The following TRAK1 variants were observed in gnomAD, a reference collection of about 807,000 sequenced individuals.
TRAK1 encodes the protein trafficking kinesin protein 1.
TRAK1 carries 33 observed loss-of-function variants against 92.1 expected under a neutral mutation model. The observed-to-expected ratio is 0.36, with a 90% CI of 0.27 to 0.48. The LOEUF (loss-of-function observed/expected upper bound fraction) is 0.48, where lower values mean the gene tolerates loss of function less well. TRAK1 is among the 20% of genes least tolerant of loss of function. TRAK1 has a pLI of 0.99. For synonymous variants in TRAK1, 521 were observed against 517.3 expected, an observed-to-expected ratio of 1.01 and a Z score of -0.10; for missense variants, 1,123 against 1,257.9, an observed-to-expected ratio of 0.89 and a Z score of 1.62.
At chr3:42,045,355 C>T (rs1366822265) in intron 1 of TRAK1, among the ~76,000 whole-genome samples, 4 of 152,002 alleles carry the variant, frequency 2.6e-5, no homozygotes, top group African/African-American at 4.8e-5. Flanking sequence ...GCCAACATGA[C>T]GAAACCCCAT....
intron 12 of TRAK1, 121 bp downstream of exon 12, chr3:42,201,175 C>A: frequency 8.9e-7 from 1 of 1,118,182 alleles, no homozygotes; most frequent in Non-Finnish European, 1.3e-6. Context: ...AAATACAGAC[C>A]TGGCCGGGCG....
At chr3:42,128,499 C>T (rs1311331447) in intron 2 of TRAK1, among the ~76,000 whole-genome samples, 2 of 152,202 alleles carry the variant, frequency 1.3e-5, no homozygotes, top group Non-Finnish European at 2.9e-5. Flanking sequence ...AAATACAGGA[C>T]CCTGTAGAGC....
intron 1 of TRAK1, among the ~76,000 whole-genome samples, chr3:42,059,656 CAGAA>C (rs1211839599): frequency 1.3e-5 from 2 of 152,154 alleles, no homozygotes; most frequent in Non-Finnish European, 2.9e-5. Flanking sequence ...TCATCCAACT[CAGAA>C]AGCTTTTTAT....
chr3:42,092,799 T>G (rs563678203), intron 1 of TRAK1, among the ~76,000 whole-genome samples: 2 of 149,644 alleles, frequency 1.3e-5, no homozygotes, highest in Non-Finnish European at 3.0e-5. Context: ...TTGCCCAGGC[T>G]GGTTTTGAAT....
chr3:42,206,726 G>A lies in TRAK1; in HGVS notation c.1745-3041G>A, dbSNP rs185301827. On this transcript the variant is annotated intron_variant, in intron 13 of 15. Coordinates refer to ENST00000327628, the MANE Select transcript of TRAK1 (RefSeq NM_001042646.3). ...TGGGATAAAAATCTGAGCATGATGCGTCTTTTCACATAATGTTTTAGTTGT... is the reference window on the plus strand; with the variant it reads ...TGGGATAAAAATCTGAGCATGATGCATCTTTTCACATAATGTTTTAGTTGT... Among the ~76,000 whole-genome samples, 15 of 152,318 alleles carry A rather than the reference G, an allele frequency of 9.8e-5. No individual in the cohort carries two copies. In the East Asian group the frequency reaches 2.3e-3, roughly 23 times the overall value.
intron 2 of TRAK1, among the ~76,000 whole-genome samples, chr3:42,152,623 T>TG (rs1236723642): frequency 6.6e-6 from 1 of 152,192 alleles, no homozygotes. Flanking sequence ...TTGATGTCCA[T>TG]GGAAAGCAGC....
Position 42,147,931 on chromosome 3 carries a change from A to G in TRAK1, c.286+22317A>G, listed in dbSNP as rs111332247. On this transcript the variant is annotated intron_variant, in intron 2 of 15. Coordinates refer to ENST00000327628, the MANE Select transcript of TRAK1 (RefSeq NM_001042646.3). ...TGGATCGATACAAAGTATGGATTCC[A>G]TCTAAGATTCTCTATATAAGATGTG... is the stretch of plus-strand genomic sequence containing the variant. Among the ~76,000 whole-genome samples the G allele has an allele frequency of 1.4e-3, 220 of 152,292 alleles. 1 individual carries two copies. The highest frequency in any genetic ancestry group is 5.0e-3 in the African/African-American group (206 of 41,552).
chr3:42,057,365 T>C (rs1192248408), intron 1 of TRAK1, among the ~76,000 whole-genome samples: 1 of 152,206 alleles, frequency 6.6e-6, no homozygotes, highest in African/African-American at 2.4e-5. Context: ...GAAGGGTGAA[T>C]GATGGGAGTA....
At chr3:42,184,861 C>T (rs1704553586) in intron 4 of TRAK1, 60 bp downstream of exon 4, 2 of 1,513,960 alleles carry the variant, frequency 1.3e-6, no homozygotes, top group African/African-American at 1.4e-5. Context: ...GAGCTGGAGG[C>T]ATGGCTGAAG....
At chr3:42,079,345 G>A (rs1187168110) in intron 1 of TRAK1, among the ~76,000 whole-genome samples, 1 of 152,124 alleles carries the variant, frequency 6.6e-6, no homozygotes, top group African/African-American at 2.4e-5. Context: ...GAAAGCTCAG[G>A]TACCTGGCTG....
chr3:42,172,348 T>C (rs1247241048), intron 2 of TRAK1, among the ~76,000 whole-genome samples: 1 of 152,208 alleles, frequency 6.6e-6, no homozygotes. Context: ...ACTCTTGTCC[T>C]TGTTGTCCCA....
chr3:42,088,319 C>T (rs182169903), upstream of TRAK1, among the ~76,000 whole-genome samples: 3 of 152,202 alleles, frequency 2.0e-5, no homozygotes, highest in East Asian at 5.8e-4. Context: ...AGCCTGGTGC[C>T]TAGCTGCTGT....
intron 2 of TRAK1, among the ~76,000 whole-genome samples, chr3:42,142,133 A>AAAAAC (rs1173271063): frequency 1.3e-5 from 2 of 152,160 alleles, no homozygotes; most frequent in Non-Finnish European, 2.9e-5. Context: ...CTCTGTCTTA[A>AAAAAC]AAAACAAAAC....
intron 2 of TRAK1, among the ~76,000 whole-genome samples, chr3:42,155,979 G>C (rs542638905): frequency 6.6e-5 from 10 of 152,162 alleles, no homozygotes; most frequent in Non-Finnish European, 1.2e-4. Context: ...TGGTCTTCCT[G>C]TCCAGTGTTC....
Position 42,021,729 on chromosome 3 carries a change from A to C in TRAK1, c.-519+7612A>C, listed in dbSNP as rs376686216. On this transcript the variant is annotated intron_variant, in intron 1 of 16. Transcript: ENST00000487159. Reference sequence around the variant, plus strand: ...GTAGCTGGGATTACAGGTGTGTGCCACCACACCTGGCTAATTTTTGTATTT... The same window carrying C: ...GTAGCTGGGATTACAGGTGTGTGCCCCCACACCTGGCTAATTTTTGTATTT... Among the ~76,000 whole-genome samples the C allele has an allele frequency of 2.6e-3, 393 of 152,186 alleles. 2 individuals carry two copies. The highest frequency in any genetic ancestry group is 8.3e-3 in the African/African-American group (346 of 41,526).
At chr3:42,019,111 AAAAAAG>A (rs749792526) in intron 1 of TRAK1, among the ~76,000 whole-genome samples, 5 of 152,272 alleles carry the variant, frequency 3.3e-5, no homozygotes, top group East Asian at 1.9e-4. Flanking sequence ...ACAGAGTATT[AAAAAAG>A]AAAAAGAAAA....
intron 2 of TRAK1, among the ~76,000 whole-genome samples, chr3:42,138,879 GTGTGT>G (rs1559820576): frequency 8.6e-5 from 5 of 58,242 alleles, no homozygotes; most frequent in Non-Finnish European, 1.9e-4. Flanking sequence ...CATAGGGGGT[GTGTGT>G]GTGTGTGTGT....
chr3:42,117,824 CTT>C (rs11356596), intron 1 of TRAK1, among the ~76,000 whole-genome samples: 34 of 147,240 alleles, frequency 2.3e-4, no homozygotes, highest in South Asian at 4.3e-4. Flanking sequence ...TTCTTCTTTT[CTT>C]TTTTTTTTTT....
At chr3:42,116,549 T>G (rs1474345298) in intron 1 of TRAK1, among the ~76,000 whole-genome samples, 1 of 152,240 alleles carries the variant, frequency 6.6e-6, no homozygotes, top group Non-Finnish European at 1.5e-5. Context: ...CTTATAATTT[T>G]AAGAAAATGG....
Sources: allele counts gnomAD v4.1 joint callset (sites outside exome capture counted in the v4.1 genomes callset), GRCh38; gene constraint gnomAD v4.1.1; transcripts MANE v1.5; gene names NCBI Gene and HGNC (gene_info 2026-07-23, HGNC 2026-07-21).